Variants in SPAG16 observed in about 807,000 individuals in gnomAD.
SPAG16 encodes sperm associated antigen 16, also known as sperm-associated antigen 16 protein.
SPAG16 carries 86 observed loss-of-function variants against 80.4 expected under a neutral mutation model. That is an observed-to-expected ratio of 1.07 (90% CI 0.90 to 1.28). The LOEUF is 1.28. Ranked by LOEUF, SPAG16 falls within the 50% of genes most tolerant of loss-of-function variation. The pLI is 0.00. For synonymous variants in SPAG16, 294 were observed against 265.9 expected, an observed-to-expected ratio of 1.11 and a Z score of -1.03; for missense variants, 870 against 765.3, an observed-to-expected ratio of 1.14 and a Z score of -1.61.
chr2:214,037,928 T>C (rs946214948), intron 13 of SPAG16, among the ~76,000 whole-genome samples: 1 of 151,030 alleles, frequency 6.6e-6, no homozygotes, highest in African/African-American at 2.4e-5. Context: ...CAAGTCTTTC[T>C]ATTTAGCCTT....
chr2:213,289,803 T>C (rs1206936565), intron 1 of SPAG16, among the ~76,000 whole-genome samples: 2 of 152,198 alleles, frequency 1.3e-5, no homozygotes, highest in Admixed American at 6.5e-5. Flanking sequence ...ATGTAAAATA[T>C]AATTAGCTAT....
At chr2:213,937,161 A>G (rs1477441857) in intron 12 of SPAG16, among the ~76,000 whole-genome samples, 1 of 152,058 alleles carries the variant, frequency 6.6e-6, no homozygotes, top group Non-Finnish European at 1.5e-5. Context: ...ATAACACAAA[A>G]TGTTCCGTTA....
intron 13 of SPAG16, among the ~76,000 whole-genome samples, chr2:214,087,896 G>GAAAAATACTA (rs1360360626): frequency 6.6e-6 from 1 of 151,666 alleles, no homozygotes; most frequent in African/African-American, 2.4e-5. Flanking sequence ...AGATCTAGAA[G>GAAAAATACTA]AAAAATACTA....
chr2:214,400,830 C>T (rs1047051190), intron 15 of SPAG16, among the ~76,000 whole-genome samples: 2 of 151,970 alleles, frequency 1.3e-5, no homozygotes, highest in Admixed American at 1.3e-4. Context: ...CTGAAGGCTT[C>T]CCTTCCTTCT....
At chr2:214,031,586 A>G (rs1323318608) in intron 13 of SPAG16, among the ~76,000 whole-genome samples, 3 of 127,010 alleles carry the variant, frequency 2.4e-5, no homozygotes, top group Admixed American at 8.3e-5. Flanking sequence ...CCTAAAACTT[A>G]AAGTATAATA....
chr2:213,403,531 A>T (rs1221079393), intron 9 of SPAG16, among the ~76,000 whole-genome samples: 3 of 152,158 alleles, frequency 2.0e-5, no homozygotes, highest in Non-Finnish European at 4.4e-5. Flanking sequence ...AACTCTCAAT[A>T]AATTAGGTAT....
chr2:213,925,623 A>G (rs1480969843), intron 11 of SPAG16, among the ~76,000 whole-genome samples: 2 of 152,228 alleles, frequency 1.3e-5, no homozygotes, highest in African/African-American at 4.8e-5. Context: ...AGGTTCTGGA[A>G]TTACAGACAT....
chr2:214,228,568 T>C (rs1688455033), intron 15 of SPAG16, among the ~76,000 whole-genome samples: 1 of 151,830 alleles, frequency 6.6e-6, no homozygotes, highest in South Asian at 2.1e-4. Context: ...CAGTAGACTA[T>C]ATCAATGGTT....
Position 213,665,920 on chromosome 2 carries a change from C to G in SPAG16, c.1070+175830C>G, listed in dbSNP as rs995826935. Among the ~76,000 whole-genome samples, 60 of 152,020 alleles carry G rather than the reference C, an allele frequency of 3.9e-4. 2 individuals carry two copies. The highest frequency in any genetic ancestry group is 2.0e-4 in the Admixed American group (3 of 15,256). ...ATCACCAGCAGAAAGCAAAATGATG[C>G]AAAACACCTGGCACTAGAAAGACCA... On this transcript the variant is annotated intron_variant, in intron 10 of 15. Transcript: ENST00000331683.
chr2:213,469,680 A>T (rs530107239), intron 9 of SPAG16, among the ~76,000 whole-genome samples: 1 of 143,526 alleles, frequency 7.0e-6, no homozygotes, highest in South Asian at 2.2e-4. Flanking sequence ...GCAGTTTCCC[A>T]TTGACATTAA....
At chr2:214,067,968 T>C (rs1222579720) in intron 13 of SPAG16, among the ~76,000 whole-genome samples, 3 of 152,176 alleles carry the variant, frequency 2.0e-5, no homozygotes, top group Non-Finnish European at 4.4e-5. Flanking sequence ...AAATTAGAAT[T>C]TAACCTTCAA....
intron 15 of SPAG16, among the ~76,000 whole-genome samples, chr2:214,316,525 T>C (rs1329025534): frequency 1.3e-5 from 2 of 152,312 alleles, no homozygotes; most frequent in East Asian, 3.9e-4. Context: ...GGGGCTCTTT[T>C]TATAAGGACC....
At chr2:213,365,949 C>T (rs779790089) in intron 8 of SPAG16, among the ~76,000 whole-genome samples, 2 of 149,168 alleles carry the variant, frequency 1.3e-5, no homozygotes, top group Non-Finnish European at 3.0e-5. Flanking sequence ...GAGACCATCC[C>T]GGCTAAAACG....
At chr2:213,442,247 T>C (rs2071017813) in intron 9 of SPAG16, among the ~76,000 whole-genome samples, 2 of 152,214 alleles carry the variant, frequency 1.3e-5, no homozygotes, top group African/African-American at 4.8e-5. Flanking sequence ...CAGATCTGTA[T>C]GAGAAACTCT....
At chr2:213,825,117 G>A (rs1057308823) in intron 10 of SPAG16, among the ~76,000 whole-genome samples, 3 of 151,836 alleles carry the variant, frequency 2.0e-5, no homozygotes, top group African/African-American at 4.8e-5. Flanking sequence ...AGTTCTAATG[G>A]TGTTTTGGTG....
At chr2:214,273,258 T>C (rs975188835) in intron 15 of SPAG16, among the ~76,000 whole-genome samples, 4 of 152,234 alleles carry the variant, frequency 2.6e-5, no homozygotes, top group Admixed American at 2.0e-4. Context: ...TTCACTCTAA[T>C]GGTAGTTTCT....
chr2:213,904,600 C>CAAAAAA (rs34952255), intron 11 of SPAG16, among the ~76,000 whole-genome samples: 1 of 89,476 alleles, frequency 1.1e-5, no homozygotes, highest in African/African-American at 4.3e-5. Flanking sequence ...ATAAATTTTG[C>CAAAAAA]AAAAAAAAAA....
intron 11 of SPAG16, among the ~76,000 whole-genome samples, chr2:213,922,361 TC>T (rs1044614509): frequency 6.6e-6 from 1 of 152,208 alleles, no homozygotes; most frequent in Non-Finnish European, 1.5e-5. Context: ...GTAGTATGTT[TC>T]TTATCTCTAT....
chr2:214,002,047 C>A (rs1019160068), intron 12 of SPAG16, among the ~76,000 whole-genome samples: 1 of 152,092 alleles, frequency 6.6e-6, no homozygotes, highest in African/African-American at 2.4e-5. Context: ...AAAGGGGTTT[C>A]CCCTTATAAA....
Sources: allele counts gnomAD v4.1 joint callset (sites outside exome capture counted in the v4.1 genomes callset), GRCh38; gene constraint gnomAD v4.1.1; transcripts MANE v1.5; gene names NCBI Gene and HGNC (gene_info 2026-07-23, HGNC 2026-07-21).